The following CDH12 variants were observed in gnomAD, a reference collection of about 807,000 sequenced individuals.
CDH12 encodes the protein cadherin-12.
In CDH12, 41 loss-of-function variants were observed where a neutral mutation model predicts 74.1. The ratio of observed to expected loss-of-function variants is 0.55; its 90% CI spans 0.43 to 0.72. The LOEUF is 0.72. Ranked by LOEUF, CDH12 falls within the 30% of genes least tolerant of loss-of-function variation. The pLI, the probability that CDH12 is intolerant of heterozygous loss-of-function variation, is 0.00. For synonymous variants in CDH12, 399 were observed against 355.0 expected, an observed-to-expected ratio of 1.12 and a Z score of -1.39; for missense variants, 945 against 977.2, an observed-to-expected ratio of 0.97 and a Z score of 0.44.
intron 5 of CDH12, among the ~76,000 whole-genome samples, chr5:22,024,096 A>G (rs1426040812): frequency 1.3e-5 from 2 of 152,210 alleles, no homozygotes; most frequent in Non-Finnish European, 2.9e-5. Flanking sequence ...AGGAAAATGT[A>G]TTAATCAAAT....
chr5:21,891,311 G>A (rs1019291434), intron 6 of CDH12, among the ~76,000 whole-genome samples: 1 of 152,000 alleles, frequency 6.6e-6, no homozygotes, highest in Non-Finnish European at 1.5e-5. Context: ...TACAGCTGTG[G>A]AAATTCAGAC....
At chr5:22,261,812 C>T (rs1160730080) in intron 3 of CDH12, among the ~76,000 whole-genome samples, 1 of 149,212 alleles carries the variant, frequency 6.7e-6, no homozygotes, top group Non-Finnish European at 1.5e-5. Context: ...AAATACATGG[C>T]TTTTCTCCAA....
intron 2 of CDH12, among the ~76,000 whole-genome samples, chr5:22,422,265 A>C (rs1199608739): frequency 6.6e-6 from 1 of 152,134 alleles, no homozygotes; most frequent in Admixed American, 6.5e-5. Context: ...AGGTTCCATT[A>C]ATACCTAGTT....
intron 10 of CDH12, among the ~76,000 whole-genome samples, chr5:21,786,042 A>G (rs958786570): frequency 6.6e-6 from 1 of 152,178 alleles, no homozygotes; most frequent in Non-Finnish European, 1.5e-5. Context: ...ATGTTCATTA[A>G]CCATTATAAA....
At chr5:22,478,167 C>T (rs1746242763) in intron 2 of CDH12, among the ~76,000 whole-genome samples, 2 of 151,620 alleles carry the variant, frequency 1.3e-5, no homozygotes, top group Admixed American at 1.3e-4. Context: ...GCCTGTAATC[C>T]CAGCACTTTG....
intron 2 of CDH12, among the ~76,000 whole-genome samples, chr5:22,454,179 T>C (rs1369807362): frequency 6.6e-6 from 1 of 152,206 alleles, no homozygotes; most frequent in African/African-American, 2.4e-5. Flanking sequence ...ATTTTTGTCA[T>C]TAGAAATCAA....
intron 4 of CDH12, among the ~76,000 whole-genome samples, chr5:22,135,315 A>T (rs1228166900): frequency 6.6e-6 from 1 of 151,874 alleles, no homozygotes; most frequent in Non-Finnish European, 1.5e-5. Flanking sequence ...CTGAGTAAAA[A>T]TGACTAGGTC....
At chr5:21,934,433 G>A (rs988437724) in intron 6 of CDH12, among the ~76,000 whole-genome samples, 12 of 152,102 alleles carry the variant, frequency 7.9e-5, no homozygotes, top group Admixed American at 7.2e-4. Context: ...TTATGGTATA[G>A]CCATCTGATG....
At chr5:22,468,162 A>G (rs1187654609) in intron 2 of CDH12, among the ~76,000 whole-genome samples, 1 of 152,214 alleles carries the variant, frequency 6.6e-6, no homozygotes, top group Non-Finnish European at 1.5e-5. Context: ...AACAACTGGG[A>G]AGTACATGCC....
chr5:21,929,643 G>T (rs1184317341), intron 6 of CDH12, among the ~76,000 whole-genome samples: 1 of 152,006 alleles, frequency 6.6e-6, no homozygotes, highest in African/African-American at 2.4e-5. Flanking sequence ...TCAGCCTCCC[G>T]AGTAGCTGGG....
chr5:22,406,801 T>G (rs1291690928), intron 2 of CDH12, among the ~76,000 whole-genome samples: 1 of 152,032 alleles, frequency 6.6e-6, no homozygotes, highest in Non-Finnish European at 1.5e-5. Context: ...AAAAGTACAC[T>G]TAAAGGGAAC....
chr5:22,025,620 C>A (rs946788260), intron 5 of CDH12, among the ~76,000 whole-genome samples: 1 of 152,100 alleles, frequency 6.6e-6, no homozygotes, highest in African/African-American at 2.4e-5. Context: ...AAGTTTGCTG[C>A]ATTTATTCAC....
intron 3 of CDH12, among the ~76,000 whole-genome samples, chr5:22,328,611 A>G (rs769519872): frequency 5.9e-5 from 9 of 152,230 alleles, no homozygotes; most frequent in Non-Finnish European, 1.3e-4. Flanking sequence ...AATAGCATAG[A>G]AGCAGATTGG....
chr5:22,125,292 G>A (rs1745787093), intron 4 of CDH12, among the ~76,000 whole-genome samples: 1 of 151,998 alleles, frequency 6.6e-6, no homozygotes, highest in African/African-American at 2.4e-5. Context: ...CTCGGTGTAT[G>A]ATGTTCCCCT....
At chr5:21,876,973 G>A (rs1392551083) in intron 6 of CDH12, among the ~76,000 whole-genome samples, 2 of 152,324 alleles carry the variant, frequency 1.3e-5, no homozygotes, top group East Asian at 1.9e-4. Context: ...AGGCCTAGGA[G>A]GGTGGATCAT....
chr5:22,260,488 T>A (rs1340676874), intron 3 of CDH12, among the ~76,000 whole-genome samples: 2 of 152,070 alleles, frequency 1.3e-5, no homozygotes, highest in Non-Finnish European at 2.9e-5. Flanking sequence ...CAGCCATTTA[T>A]CTTTTCTATG....
chr5:21,802,510 ATTATCAAT>A, intron 9 of CDH12, 90 bp from the exon 10 acceptor site: 3 of 1,057,646 alleles, frequency 2.8e-6, no homozygotes, highest in Non-Finnish European at 4.3e-6. Flanking sequence ...TTTGCAAGTT[ATTATCAAT>A]TATACTGGTT....
chr5:22,675,796 C>T (rs1741141332), intron 1 of CDH12, among the ~76,000 whole-genome samples: 1 of 146,054 alleles, frequency 6.8e-6, no homozygotes, highest in Admixed American at 7.1e-5. Flanking sequence ...TTAGGTATGT[C>T]TTTATCAGCA....
At chr5:22,762,718 G>A (rs528958408) in intron 1 of CDH12, among the ~76,000 whole-genome samples, 16 of 152,128 alleles carry the variant, frequency 1.1e-4, no homozygotes, top group Admixed American at 2.6e-4. Context: ...TACTGTTTGC[G>A]TCAGGAAATT....
Sources: allele counts gnomAD v4.1 joint callset (sites outside exome capture counted in the v4.1 genomes callset), GRCh38; gene constraint gnomAD v4.1.1; transcripts MANE v1.5; gene names NCBI Gene and HGNC (gene_info 2026-07-23, HGNC 2026-07-21).